The following PRKDC variants were observed in gnomAD, a reference collection of about 807,000 sequenced individuals.
PRKDC encodes the protein DNA-dependent protein kinase catalytic subunit.
In PRKDC, 82 loss-of-function variants were observed where a neutral mutation model predicts 486.9. That is an observed-to-expected ratio of 0.17 (90% CI 0.14 to 0.20). PRKDC has a LOEUF of 0.20. Among genes scored for constraint, PRKDC ranks in the 10% least tolerant of loss-of-function variants. The pLI is 1.00. For missense variants in PRKDC, 4,504 were observed against 5,038.2 expected, an observed-to-expected ratio of 0.89 and a Z score of 3.21; for synonymous variants, 1,895 against 1,837.0, an observed-to-expected ratio of 1.03 and a Z score of -0.81.
At chr8:47,826,222 G>A (rs1056057855) in intron 63 of PRKDC, among the ~76,000 whole-genome samples, 2 of 152,156 alleles carry the variant, frequency 1.3e-5, no homozygotes, top group East Asian at 1.9e-4. Flanking sequence ...CTAGAAAATG[G>A]AATCTGTTTA....
intron 76 of PRKDC, 31 bp downstream of exon 76, chr8:47,788,875 T>TA (rs2086837257): frequency 6.6e-7 from 1 of 1,515,768 alleles, no homozygotes. Flanking sequence ...ACGACTCTGC[T>TA]ATCAAAATAG....
intron 7 of PRKDC, among the ~76,000 whole-genome samples, chr8:47,949,511 T>C (rs986935512): frequency 6.6e-6 from 1 of 152,320 alleles, no homozygotes; most frequent in African/African-American, 2.4e-5. Context: ...CCTTCCACTA[T>C]ATATGTTCAC....
chr8:47,929,058 A>G, intron 19 of PRKDC, 34 bp downstream of exon 19: 2 of 1,362,282 alleles, frequency 1.5e-6, no homozygotes. Context: ...AAAACAGTTC[A>G]TGATAACACT....
At chr8:47,915,214 G>C in intron 23 of PRKDC, 114 bp downstream of exon 23, 1 of 593,812 alleles carries the variant, frequency 1.7e-6, no homozygotes, top group East Asian at 3.2e-5. Context: ...ATCTTATTTA[G>C]AAATATATAA....
intron 68 of PRKDC, among the ~76,000 whole-genome samples, chr8:47,814,292 C>A (rs1400879171): frequency 6.6e-6 from 1 of 152,160 alleles, no homozygotes; most frequent in Non-Finnish European, 1.5e-5. Flanking sequence ...ACTATCTTCT[C>A]TAACATCAGG....
intron 49 of PRKDC, among the ~76,000 whole-genome samples, chr8:47,856,806 C>T (rs2088551784): frequency 6.6e-6 from 1 of 152,206 alleles, no homozygotes; most frequent in Admixed American, 6.5e-5. Context: ...GACTTCAAGG[C>T]AGGAGTCCTC....
intron 40 of PRKDC, among the ~76,000 whole-genome samples, chr8:47,873,984 A>ATTTT (rs1200890690): frequency 7.7e-6 from 1 of 130,132 alleles, no homozygotes; most frequent in African/African-American, 2.9e-5. Context: ...GTATTTTGCT[A>ATTTT]TTTTTTTTTT....
chr8:47,820,836 G>A lies in PRKDC; in HGVS notation c.9219C>T (p.Leu3073=). The change falls in exon 66 of 86, where the codon CTC becomes CTT. Residue 3073 remains leucine (L), a synonymous_variant. Coordinates refer to ENST00000314191, the MANE Select transcript of PRKDC (RefSeq NM_006904.7). The part of the protein sequence containing the change: ...TFIDKAMHGE[L]QKAILELHYS... Reference sequence around the variant, plus strand: ...AATGAAGCTCTAGAATCGCCTTCTGGAGCTCCCCGTGCATAGCTTTGTCAA... The same window carrying A: ...AATGAAGCTCTAGAATCGCCTTCTGAAGCTCCCCGTGCATAGCTTTGTCAA... 6.2e-7 allele frequency: 1 copy of A among 1,613,334 alleles called. No individual in the cohort carries two copies. Among genetic ancestry groups the A allele is most frequent in the Non-Finnish European group, 8.5e-7 (1 of 1,179,544 alleles).
chr8:47,800,864 C>G lies in PRKDC; in HGVS notation c.10045G>C (p.Ala3349Pro). 4 of 1,613,570 alleles carry G rather than the reference C, an allele frequency of 2.5e-6. No homozygotes were observed. The highest frequency in any genetic ancestry group is 2.5e-6 in the Non-Finnish European group (3 of 1,179,742). Residue 3349 changes from alanine to proline, a missense_variant, in exon 71 of 86, where the codon GCT becomes CCT. Physicochemically the swap from Ala to Pro is conservative, Grantham distance 27. Around this residue, in one of 6 missense-constraint regions of PRKDC, gnomAD observed 1,592 missense variants for 1,724.6 expected, o/e 0.92. Transcript: ENST00000314191. ...CTAGCCTTGTCCTCCTCGATTTCAG[C>G]AAGGCAGGCTGGCTCACTGCTGAGA... is the stretch of plus-strand genomic sequence containing the variant. ...NALSSEPACLAEIEEDKARRI... is the reference protein window; with the variant it reads ...NALSSEPACLPEIEEDKARRI...
chr8:47,933,942 T>C (rs375992913), intron 15 of PRKDC, 23 bp downstream of exon 15: 5 of 1,598,744 alleles, frequency 3.1e-6, no homozygotes, highest in Admixed American at 3.4e-5. Context: ...GGTACATTTA[T>C]GGCTTTCAAT....
intron 40 of PRKDC, among the ~76,000 whole-genome samples, chr8:47,872,625 A>AG: frequency 1.3e-5 from 2 of 152,348 alleles, no homozygotes; most frequent in South Asian, 4.1e-4. Context: ...ACCAAAACAG[A>AG]GCAGGAGTAG....
At chr8:47,921,912 C>T (rs2090077801) in intron 21 of PRKDC, among the ~76,000 whole-genome samples, 1 of 151,992 alleles carries the variant, frequency 6.6e-6, no homozygotes, top group African/African-American at 2.4e-5. Context: ...TCCCGAGTAG[C>T]CGGGATTACA....
rs1393524270 is a variant in PRKDC at position 47,782,116 on chromosome 8, G to A, written c.11489+46C>T. 1.3e-6 allele frequency: 2 copies of A among 1,544,620 alleles called. No individual in the cohort carries two copies. Among genetic ancestry groups the A allele is most frequent in the Non-Finnish European group, 1.8e-6 (2 of 1,118,078 alleles). ...GGCCCCGACCTGCCACTGGAGAAGT[G>A]AGGGGAGGCGACTGCTGGGGGAGCA... On this transcript the variant is annotated intron_variant, in intron 80 of 85. Transcript: ENST00000314191. The surrounding 1 kb of genome is among the most constrained non-coding windows in gnomAD (Gnocchi z 4.9).
intron 68 of PRKDC, among the ~76,000 whole-genome samples, chr8:47,808,011 A>G (rs1651897341): frequency 6.6e-6 from 1 of 152,174 alleles, no homozygotes; most frequent in South Asian, 2.1e-4. Flanking sequence ...GGAGTGAGCT[A>G]TCATGTCTGG....
rs536380828 is a variant in PRKDC at position 47,795,213 on chromosome 8, A to G, written c.10459-712T>C. On this transcript the variant is annotated intron_variant, in intron 73 of 85. Transcript: ENST00000314191. Reference sequence around the variant, plus strand: ...CTCTTTTTTTTTTTTTTTTCTTGAGACAGAGTCTCATTGTCACCCAGGCTG... The same window carrying G: ...CTCTTTTTTTTTTTTTTTTCTTGAGGCAGAGTCTCATTGTCACCCAGGCTG... Among the ~76,000 whole-genome samples, 299 of 108,560 alleles carry G rather than the reference A, an allele frequency of 2.8e-3. 1 individual carries two copies. The highest frequency in any genetic ancestry group is 4.1e-3 in the Non-Finnish European group (222 of 54,332). 71.2% of individuals were successfully genotyped at this position (108,560 alleles called of 152,430 possible).
chr8:47,955,851 C>T (rs765806320), intron 4 of PRKDC, 23 bp downstream of exon 4: 15 of 1,519,796 alleles, frequency 9.9e-6, no homozygotes, highest in Middle Eastern at 1.7e-4. Flanking sequence ...ATGTAAAATA[C>T]GTGTACTTAG....
In PRKDC at chr8:47,867,946, T is replaced by A. The variant is rs561084913; in HGVS notation, c.5364-3183A>T. 2.6e-5 allele frequency among the ~76,000 whole-genome samples: 4 copies of A among 152,348 alleles called. No individual in the cohort carries two copies. In the East Asian group the frequency reaches 7.7e-4, roughly 29 times the overall value. ...AGTCTTCCTGCATCTACTGAAATTA[T>A]AATGAGTTTTCTTCCTTTATTCTAT... On this transcript the variant is annotated intron_variant, in intron 40 of 85. Coordinates refer to ENST00000314191, the MANE Select transcript of PRKDC (RefSeq NM_006904.7).
intron 18 of PRKDC, among the ~76,000 whole-genome samples, chr8:47,929,606 C>G (rs2090216445): frequency 6.6e-6 from 1 of 152,180 alleles, no homozygotes; most frequent in Non-Finnish European, 1.5e-5. Flanking sequence ...GGTCCTGGGA[C>G]CATACTTTGA....
Position 47,863,447 on chromosome 8 carries a change from T to A in PRKDC, c.5702A>T (p.His1901Leu). Reference sequence around the variant, plus strand: ...ATTTCCTTCTGTAATACACGAGCCATGGAAAACTTGATTAATTTTTGATTC... The same window carrying A: ...ATTTCCTTCTGTAATACACGAGCCAAGGAAAACTTGATTAATTTTTGATTC... ...AKESKINQVFHGSCITEGNEL... is the reference protein window; with the variant it reads ...AKESKINQVFLGSCITEGNEL... Residue 1901 changes from histidine (H) to leucine (L), a missense_variant, in exon 42 of 86, where the codon CAT becomes CTT. This residue lies in a region of PRKDC where 80 missense variants were observed against 132.3 expected (regional missense o/e 0.60). Coordinates refer to ENST00000314191, the MANE Select transcript of PRKDC (RefSeq NM_006904.7). 2 of 1,612,122 alleles carry A rather than the reference T, an allele frequency of 1.2e-6. No individual in the cohort carries two copies. Among genetic ancestry groups the A allele is most frequent in the African/African-American group, 2.7e-5 (2 of 75,012 alleles).
Sources: allele counts gnomAD v4.1 joint callset (sites outside exome capture counted in the v4.1 genomes callset), GRCh38; gene constraint gnomAD v4.1.1; regional missense constraint gnomAD v4.1.1; non-coding constraint Gnocchi (gnomAD v3.1); transcripts MANE v1.5; gene names NCBI Gene and HGNC (gene_info 2026-07-23, HGNC 2026-07-21).